Variants in TRIP12 observed in about 807,000 individuals in gnomAD.
The protein encoded by TRIP12 is thyroid hormone receptor interactor 12.
TRIP12 carries 25 observed loss-of-function variants against 244.2 expected under a neutral mutation model. That is an observed-to-expected ratio of 0.10 (90% CI 0.07 to 0.14). The LOEUF is 0.14. TRIP12 is among the 10% of genes least tolerant of loss of function. The probability of loss-of-function intolerance (pLI) is 1.00; values close to 1 mark genes in which losing one functional copy is unlikely to be tolerated. For synonymous variants in TRIP12, 905 were observed against 873.1 expected (o/e 1.04, Z -0.64); for missense variants, 1,677 against 2,486.4 (o/e 0.67, Z 6.92).
At chr2:229,783,926 C>T (rs1364603463) in intron 34 of TRIP12, among the ~76,000 whole-genome samples, 1 of 150,980 alleles carries the variant, frequency 6.6e-6, no homozygotes, top group Non-Finnish European at 1.5e-5. Context: ...GCCTGACCAA[C>T]ATGCAGAAAC....
intron 4 of TRIP12, among the ~76,000 whole-genome samples, chr2:229,853,236 T>C (rs1238616388): frequency 2.0e-5 from 3 of 152,158 alleles, no homozygotes; most frequent in Admixed American, 6.5e-5. Context: ...CAATGTGAAA[T>C]TTCTCACAAT....
At chr2:229,914,761 A>G (rs1056410785) in intron 1 of TRIP12, among the ~76,000 whole-genome samples, 1 of 152,186 alleles carries the variant, frequency 6.6e-6, no homozygotes, top group Non-Finnish European at 1.5e-5. Context: ...TAAAATACAC[A>G]CTGAAATGCT....
intron 8 of TRIP12, among the ~76,000 whole-genome samples, chr2:229,821,203 G>T (rs1456552827): frequency 6.6e-6 from 1 of 152,160 alleles, no homozygotes; most frequent in African/African-American, 2.4e-5. Context: ...GTACCGTTTA[G>T]TGCCACTGCT....
chr2:229,920,195 C>T (rs2076237926), intron 1 of TRIP12, among the ~76,000 whole-genome samples: 1 of 152,068 alleles, frequency 6.6e-6, no homozygotes, highest in Admixed American at 6.5e-5. Context: ...CTTTCTACCC[C>T]GTATTTTTTG....
intron 4 of TRIP12, among the ~76,000 whole-genome samples, chr2:229,841,166 A>G (rs1248972209): frequency 6.6e-6 from 1 of 152,086 alleles, no homozygotes; most frequent in Admixed American, 6.6e-5. Flanking sequence ...AGCTATCCCC[A>G]AAGTCCTGCC....
chr2:229,821,997 G>A (rs529900539), intron 8 of TRIP12, among the ~76,000 whole-genome samples: 37 of 152,270 alleles, frequency 2.4e-4, no homozygotes, highest in African/African-American at 5.3e-4. Context: ...AAAATTAGCC[G>A]GGCGCGGTGG....
intron 25 of TRIP12, 119 bp from the exon 26 acceptor site, chr2:229,795,449 CTT>C: frequency 8.3e-7 from 1 of 1,207,974 alleles, no homozygotes; most frequent in East Asian, 2.6e-5. Context: ...TCATCTTTAT[CTT>C]TTATGGCAGA....
chr2:229,767,807 C>T (rs1479032836), intron 41 of TRIP12, 57 bp from the exon 42 acceptor site: 65 of 1,525,498 alleles, frequency 4.3e-5, no homozygotes, highest in Non-Finnish European at 5.3e-5. Flanking sequence ...CATCAGCTAT[C>T]AGAAAACATT....
chr2:229,771,924 C>T lies in TRIP12; in HGVS notation c.5695-292G>A, dbSNP rs76023569. On this transcript the variant is annotated intron_variant, in intron 38 of 41. Coordinates refer to ENST00000675903, the MANE Select transcript of TRIP12 (RefSeq NM_001348323.3). ...AACCCATGCCATACAGTTATATTAC[C>T]TCACTGGATGGGAATCAAATGAGAA... Among the ~76,000 whole-genome samples, 920 of 152,284 alleles carry T rather than the reference C, an allele frequency of 6.0e-3. 7 individuals carry two copies. Among genetic ancestry groups the T allele is most frequent in the African/African-American group, 0.021 (865 of 41,544 alleles).
At chr2:229,824,858 G>T (rs903727546) in intron 8 of TRIP12, among the ~76,000 whole-genome samples, 15 of 152,102 alleles carry the variant, frequency 9.9e-5, no homozygotes, top group Admixed American at 7.2e-4. Context: ...AGCAAAAGAA[G>T]ATAAGATTTT....
In TRIP12 at chr2:229,880,059, G is replaced by T; in HGVS notation, c.21C>A (p.Asn7Lys). Residue 7 changes from asparagine (N) to lysine (K), a missense_variant, in exon 2 of 42, where the codon AAC becomes AAA. This residue lies in a region of TRIP12 where 387 missense variants were observed against 392.6 expected (regional missense o/e 0.99). Coordinates refer to ENST00000675903, the MANE Select transcript of TRIP12 (RefSeq NM_001348323.3). MSNRPNNNPGGSLRRSQ... is the reference protein window; with the variant it reads MSNRPNKNPGGSLRRSQ... ...AACGTCGCAGTGACCCCCCTGGATT[G>T]TTATTAGGCCGGTTGGACATTGGCA... 6.2e-7 allele frequency: 1 copy of T among 1,614,050 alleles called. No homozygotes were observed. The highest frequency in any genetic ancestry group is 1.7e-5 in the Admixed American group (1 of 60,016).
rs538212235 is a variant in TRIP12, at chr2:229,898,282, G to T, written c.-49-18154C>A. Among the ~76,000 whole-genome samples the T allele has an allele frequency of 4.6e-5, 7 of 152,240 alleles. No homozygotes were observed. The South Asian group carries it at 1.5e-3, about 32-fold the overall frequency. ...ACTTTATTTTTTACACCTCCAAATT[G>T]ACATTAGTGTAAACTTGACTCATTC... On this transcript the variant is annotated intron_variant, in intron 1 of 41. Coordinates refer to ENST00000675903, the MANE Select transcript of TRIP12 (RefSeq NM_001348323.3).
chr2:229,897,716 T>C (rs558866062), intron 1 of TRIP12, among the ~76,000 whole-genome samples: 41 of 152,368 alleles, frequency 2.7e-4, no homozygotes, highest in African/African-American at 9.1e-4. Flanking sequence ...TCTATACTTC[T>C]GCATAATTAC....
At position 229,848,079 on chromosome 2, in the gene TRIP12, C is replaced by T. The variant is rs577270679; in HGVS notation, c.1028-7152G>A. ...AAACAATCTTCTCTGTGGAATTTTA[C>T]CAGCTAAAGAAAAAAAGATCTAAAA... On this transcript the variant is annotated intron_variant, in intron 4 of 41. Transcript: ENST00000675903. Among the ~76,000 whole-genome samples the T allele has an allele frequency of 5.3e-5, 8 of 152,064 alleles. No homozygotes were observed. In the South Asian group the frequency reaches 1.5e-3, roughly 28 times the overall value.
intron 2 of TRIP12, among the ~76,000 whole-genome samples, chr2:229,865,414 G>A (rs575300113): frequency 1.3e-5 from 2 of 150,572 alleles, no homozygotes; most frequent in African/African-American, 4.9e-5. Context: ...CAAGTAGCTA[G>A]TTAATTCCTA....
intron 20 of TRIP12, among the ~76,000 whole-genome samples, chr2:229,802,719 A>G (rs1036921783): frequency 6.6e-6 from 1 of 152,244 alleles, no homozygotes; most frequent in Admixed American, 6.5e-5. Flanking sequence ...ATAAAACTTA[A>G]TAGGGTCACA....
At chr2:229,901,601 T>C (rs1301884405) in intron 1 of TRIP12, among the ~76,000 whole-genome samples, 4 of 131,410 alleles carry the variant, frequency 3.0e-5, no homozygotes, top group Admixed American at 8.4e-5. Context: ...CCAGCCTGGG[T>C]GACAGAATGA....
chr2:229,918,404 C>A (rs778067370), intron 1 of TRIP12, among the ~76,000 whole-genome samples: 1 of 152,140 alleles, frequency 6.6e-6, no homozygotes, highest in Non-Finnish European at 1.5e-5. Context: ...AAGATCCCTA[C>A]CCATCCACTT....
intron 9 of TRIP12, among the ~76,000 whole-genome samples, chr2:229,816,595 G>A (rs1255367558): frequency 2.6e-5 from 4 of 152,098 alleles, no homozygotes; most frequent in Non-Finnish European, 5.9e-5. Context: ...ATTAATAACA[G>A]CCATTATTAA....
Sources: allele counts gnomAD v4.1 joint callset (sites outside exome capture counted in the v4.1 genomes callset), GRCh38; gene constraint gnomAD v4.1.1; regional missense constraint gnomAD v4.1.1; transcripts MANE v1.5; gene names NCBI Gene and HGNC (gene_info 2026-07-23, HGNC 2026-07-21).